UNC79: variants seen among roughly 807,000 people sequenced by gnomAD.
UNC79 encodes protein unc-79 homolog.
Under a neutral mutation model 283.1 loss-of-function variants are expected in UNC79, and 37 were observed. The observed-to-expected ratio is 0.13, with a 90% confidence interval of 0.10 to 0.17. The LOEUF (loss-of-function observed/expected upper bound fraction) is 0.17, where lower values mean the gene tolerates loss of function less well. UNC79 is among the 10% of genes least tolerant of loss of function. The probability of loss-of-function intolerance (pLI) is 1.00; values close to 1 mark genes in which losing one functional copy is unlikely to be tolerated. For missense variants in UNC79, 2,272 were observed against 3,211.1 expected (o/e 0.71, Z 7.07); for synonymous variants, 1,107 against 1,200.2 (o/e 0.92, Z 1.61).
chr14:93,622,696 G>A (rs530465580), exon 30 of UNC79: 1 of 1,614,190 alleles, frequency 6.2e-7, no homozygotes. Flanking sequence ...AGGTGGAAGA[G>A]GATGGAGCTG....
chr14:93,347,922 CAA>C, intron 1 of UNC79: 1 of 660,438 alleles, frequency 1.5e-6, no homozygotes, highest in South Asian at 1.9e-5. Context: ...GTTTCTAGGA[CAA>C]CGGTCTAGGT....
At chr14:93,471,297 G>A (rs2057487093) in intron 2 of UNC79, among the ~76,000 whole-genome samples, 1 of 152,110 alleles carries the variant, frequency 6.6e-6, no homozygotes, top group Non-Finnish European at 1.5e-5. Context: ...AAGTTTGTTT[G>A]ACATATTAAT....
chr14:93,688,798 A>C lies in UNC79; in HGVS notation c.7043A>C (p.Tyr2348Ser), dbSNP rs773469433. Residue 2348 changes from tyrosine to serine, a missense_variant, in exon 44 of 49, where the codon TAT (tyrosine) becomes TCT (serine). Physicochemically the swap from Tyr to Ser is moderately radical, Grantham distance 144 (BLOSUM62 -2). Coordinates refer to ENST00000555664, the Ensembl canonical transcript of UNC79. This position sits in a 1 kb window ranked among gnomAD's most constrained non-coding sequence, Gnocchi z 4.0. The stretch of plus-strand genomic sequence containing the variant: ...AGAGATAACAAAGCTGTGATCCGCT[A>C]TCTGCCTTGGCTTTATCATCCCCCC... 19 of 1,614,052 alleles carry C rather than the reference A, an allele frequency of 1.2e-5. 1 individual carries two copies. The South Asian group carries it at 1.6e-4, about 14-fold the overall frequency.
At chr14:93,468,244 C>T (rs184786795) in intron 2 of UNC79, among the ~76,000 whole-genome samples, 9 of 152,272 alleles carry the variant, frequency 5.9e-5, no homozygotes, top group Non-Finnish European at 1.2e-4. Context: ...TAACACTTCA[C>T]ATGTTCAACA....
intron 1 of UNC79, among the ~76,000 whole-genome samples, chr14:93,340,536 A>G (rs991269467): frequency 2.0e-5 from 3 of 150,968 alleles, no homozygotes; most frequent in African/African-American, 7.3e-5. Context: ...CTGTTTATAC[A>G]TCCAGTCAGG....
At chr14:93,554,108 T>G (rs2062033651) in intron 14 of UNC79, among the ~76,000 whole-genome samples, 1 of 152,152 alleles carries the variant, frequency 6.6e-6, no homozygotes, top group South Asian at 2.1e-4. Flanking sequence ...CCCAGCACTT[T>G]GGGAGGCCGA....
At chr14:93,667,123 AGAAG>A (rs1166678068) in intron 40 of UNC79, among the ~76,000 whole-genome samples, 1 of 151,942 alleles carries the variant, frequency 6.6e-6, no homozygotes, top group Non-Finnish European at 1.5e-5. Context: ...AAAAAAAGAA[AGAAG>A]GAAGGAAGGA....
At position 93,621,625 on chromosome 14, in the gene UNC79, A is replaced by G; in HGVS notation, c.4392A>G (p.Glu1464=). Residue 1464 remains glutamate (E), a synonymous_variant, in exon 30 of 49, where the codon GAA becomes GAG. Transcript: ENST00000555664. This position sits in a 1 kb window ranked among gnomAD's most constrained non-coding sequence, Gnocchi z 4.8. ...AGCTTTTTCTGTTTTGATCAGGTGA[A>G]ATAGAACTGGCTGAATATAGAGAGA... is the stretch of plus-strand genomic sequence containing the variant. 1 of 1,552,240 alleles carries G rather than the reference A, an allele frequency of 6.4e-7. No homozygotes were observed.
At chr14:93,626,556 TA>T (rs1347745081) in intron 30 of UNC79, among the ~76,000 whole-genome samples, 2 of 152,226 alleles carry the variant, frequency 1.3e-5, no homozygotes, top group Non-Finnish European at 2.9e-5. Context: ...TCCCAACTAT[TA>T]GCCCATTTTA....
intron 1 of UNC79, among the ~76,000 whole-genome samples, chr14:93,442,590 A>G (rs1431790823): frequency 2.0e-5 from 3 of 152,234 alleles, no homozygotes; most frequent in Non-Finnish European, 4.4e-5. Context: ...CTTATTCATT[A>G]TAAGTACAAG....
intron 24 of UNC79, 31 bp downstream of exon 24, chr14:93,597,571 A>C (rs1184377121): frequency 6.3e-7 from 1 of 1,596,178 alleles, no homozygotes. Context: ...TCTGCTCCGA[A>C]GGTGGTTTGT....
chr14:93,393,457 C>T (rs1184849927), intron 1 of UNC79, among the ~76,000 whole-genome samples: 1 of 152,016 alleles, frequency 6.6e-6, no homozygotes, highest in African/African-American at 2.4e-5. Flanking sequence ...ATAGGATTCC[C>T]TTCTTTATGA....
intron 11 of UNC79, among the ~76,000 whole-genome samples, chr14:93,536,782 C>CCCCTTTT (rs1567069571): frequency 1.2e-5 from 1 of 82,438 alleles, no homozygotes. Context: ...CCACCCCCGG[C>CCCCTTTT]TTTTTTTTTT....
intron 13 of UNC79, among the ~76,000 whole-genome samples, chr14:93,541,898 G>A (rs912930713): frequency 4.6e-5 from 7 of 151,398 alleles, no homozygotes; most frequent in Non-Finnish European, 2.9e-5. Flanking sequence ...CCAGCTACTC[G>A]GGAGGCTGAG....
chr14:93,443,703 A>G (rs1296226502), intron 1 of UNC79, among the ~76,000 whole-genome samples: 1 of 152,200 alleles, frequency 6.6e-6, no homozygotes, highest in African/African-American at 2.4e-5. Context: ...GATTACAGGC[A>G]TGAGCCACGG....
intron 26 of UNC79, among the ~76,000 whole-genome samples, chr14:93,610,321 A>G (rs1208419675): frequency 6.6e-6 from 1 of 152,142 alleles, no homozygotes; most frequent in Non-Finnish European, 1.5e-5. Context: ...TTCAGTTCCA[A>G]TTTTTAACTT....
At chr14:93,623,120 G>C (rs534046201) in intron 30 of UNC79, among the ~76,000 whole-genome samples, 1 of 152,164 alleles carries the variant, frequency 6.6e-6, no homozygotes. Flanking sequence ...TGGTTAATTC[G>C]TATCAGGATA....
chr14:93,496,282 G>T (rs1202073031), intron 5 of UNC79, 129 bp from the exon 6 acceptor site: 1 of 571,234 alleles, frequency 1.8e-6, no homozygotes, highest in Non-Finnish European at 2.9e-6. Context: ...TATATGGAGA[G>T]AAGTTATTTC....
chr14:93,454,845 C>T (rs981958798), intron 1 of UNC79, among the ~76,000 whole-genome samples: 1 of 152,126 alleles, frequency 6.6e-6, no homozygotes, highest in Non-Finnish European at 1.5e-5. Context: ...CTAGACTGGA[C>T]ATTTTGCTTT....
Sources: allele counts gnomAD v4.1 joint callset (sites outside exome capture counted in the v4.1 genomes callset), GRCh38; gene constraint gnomAD v4.1.1; non-coding constraint Gnocchi (gnomAD v3.1); transcripts MANE v1.5; gene names NCBI Gene and HGNC (gene_info 2026-07-23, HGNC 2026-07-21).